GRB10: variants seen among roughly 807,000 people sequenced by gnomAD.
GRB10 encodes the protein growth factor receptor-bound protein 10.
Under a neutral mutation model 80.9 loss-of-function variants are expected in GRB10, and 20 were observed. That is an observed-to-expected ratio of 0.25 (90% CI 0.17 to 0.36). The LOEUF (loss-of-function observed/expected upper bound fraction) is 0.36. Among genes scored for constraint, GRB10 ranks in the 10% least tolerant of loss-of-function variants. GRB10 has a pLI of 1.00. For missense variants in GRB10, 548 were observed against 747.7 expected (o/e 0.73, Z 3.12); for synonymous variants, 291 against 291.5 (o/e 1.00, Z 0.02).
At chr7:50,700,431 T>C (rs1357774878) in intron 5 of GRB10, among the ~76,000 whole-genome samples, 1 of 152,232 alleles carries the variant, frequency 6.6e-6, no homozygotes, top group Non-Finnish European at 1.5e-5. Context: ...CCTGAGTGTC[T>C]GTGCTACAGG....
rs1001603815 is a variant in GRB10 at position 50,705,135 on chromosome 7, C to G, written c.52-1227G>C. ...TGCTCACTTCTCTGCTGCGTGCACA[C>G]TGACCTGGGAGCAAACAGGTTTAGG... On this transcript the variant is annotated intron_variant, in intron 4 of 18. Coordinates refer to ENST00000401949, the MANE Select transcript of GRB10 (RefSeq NM_001350814.2). 5 of 985,332 alleles carry G rather than the reference C, an allele frequency of 5.1e-6. No individual in the cohort carries two copies. In the African/African-American group the frequency reaches 8.7e-5, roughly 17 times the overall value. The allele number at this position is 985,332 out of a possible 1,614,324, so 61.0% of individuals were successfully genotyped here.
At chr7:50,763,368 C>T (rs1035268272) in intron 2 of GRB10, among the ~76,000 whole-genome samples, 1 of 152,108 alleles carries the variant, frequency 6.6e-6, no homozygotes, top group African/African-American at 2.4e-5. Flanking sequence ...CTGGGACTAC[C>T]CAGAGTTGAG....
At position 50,755,954 on chromosome 7, in the gene GRB10, G is replaced by A; in HGVS notation, c.-114C>T. On this transcript the variant is annotated 5_prime_UTR_variant, in exon 3 of 19. Coordinates refer to ENST00000401949, the MANE Select transcript of GRB10 (RefSeq NM_001350814.2). ...ACCCTGGCTTCACTGAGAGGACCCA[G>A]GTGAGGACCTGGCTGCCGGTCACTG... 2.5e-6 allele frequency: 1 copy of A among 399,092 alleles called. No homozygotes were observed. Among genetic ancestry groups the A allele is most frequent in the Non-Finnish European group, 4.4e-6 (1 of 226,458 alleles). 24.7% of individuals were successfully genotyped at this position (399,092 alleles called of 1,614,324 possible).
chr7:50,623,448 T>C (rs997528982), intron 8 of GRB10, among the ~76,000 whole-genome samples: 45 of 152,212 alleles, frequency 3.0e-4, no homozygotes, highest in African/African-American at 1.1e-3. Context: ...AGTCTGCTCA[T>C]AGGAGTCGTT....
At chr7:50,754,724 T>A (rs907050514) in intron 3 of GRB10, among the ~76,000 whole-genome samples, 3 of 152,106 alleles carry the variant, frequency 2.0e-5, no homozygotes, top group African/African-American at 7.2e-5. Flanking sequence ...TGAGGGAAGG[T>A]GACCGGCAGT....
intron 7 of GRB10, among the ~76,000 whole-genome samples, chr7:50,657,158 A>C (rs141571286): frequency 6.6e-6 from 1 of 152,354 alleles, no homozygotes; most frequent in African/African-American, 2.4e-5. Context: ...CATATCTAAA[A>C]TTATATCCAC....
intron 4 of GRB10, among the ~76,000 whole-genome samples, chr7:50,716,017 C>T (rs927538559): frequency 6.6e-6 from 1 of 152,184 alleles, no homozygotes; most frequent in African/African-American, 2.4e-5. Context: ...GTTCAACACT[C>T]AGGAAGGTCA....
At chr7:50,655,738 C>G (rs1486891779) in intron 7 of GRB10, among the ~76,000 whole-genome samples, 1 of 152,194 alleles carries the variant, frequency 6.6e-6, no homozygotes, top group Non-Finnish European at 1.5e-5. Context: ...AGACCAATCT[C>G]TTCCTGGGAC....
chr7:50,702,986 C>A (rs1175755519), intron 5 of GRB10, among the ~76,000 whole-genome samples: 1 of 152,208 alleles, frequency 6.6e-6, no homozygotes, highest in Non-Finnish European at 1.5e-5. Flanking sequence ...GAAGTCAATA[C>A]TAACAAATTG....
At chr7:50,595,636 C>CACACACACACAG (rs971834235) in intron 17 of GRB10, 106 bp from the exon 18 acceptor site, 1 of 747,302 alleles carries the variant, frequency 1.3e-6, no homozygotes, top group East Asian at 2.6e-5. Context: ...CACACACACA[C>CACACACACACAG]AGGCTTGGAG....
chr7:50,626,680 G>A (rs1330907177), intron 8 of GRB10, 142 bp downstream of exon 8: 5 of 888,532 alleles, frequency 5.6e-6, no homozygotes, highest in Non-Finnish European at 9.3e-6. Flanking sequence ...GGAGAAACAG[G>A]AGAGTCGAGG....
chr7:50,713,197 G>A (rs1010928901), intron 4 of GRB10, among the ~76,000 whole-genome samples: 2 of 152,222 alleles, frequency 1.3e-5, no homozygotes, highest in South Asian at 4.1e-4. Context: ...AAGATTTAGT[G>A]TGATCACACA....
At position 50,618,104 on chromosome 7, in the gene GRB10, C is replaced by T; in HGVS notation, c.813G>A (p.Gln271=). 1 of 1,613,968 alleles carries T rather than the reference C, an allele frequency of 6.2e-7. No individual in the cohort carries two copies. Among genetic ancestry groups the T allele is most frequent in the Non-Finnish European group, 8.5e-7 (1 of 1,179,890 alleles). ...GCTGGGTTTGACTGCCATTTGACTG[C>T]TGGCACCAAGTAACCATCTGTTCTG... ...FFPEQMVTWC[Q]QSNGSQTQLL... The change falls in exon 10 of 19, where the codon CAG becomes CAA. Residue 271 remains glutamine, a synonymous_variant. Coordinates refer to ENST00000401949, the MANE Select transcript of GRB10 (RefSeq NM_001350814.2).
chr7:50,765,675 A>AT (rs1278631243), intron 2 of GRB10, among the ~76,000 whole-genome samples: 1 of 152,182 alleles, frequency 6.6e-6, no homozygotes, highest in Non-Finnish European at 1.5e-5. Context: ...AAGTTGATTA[A>AT]TGAGTACAAA....
chr7:50,722,892 G>C (rs530997615), intron 4 of GRB10, among the ~76,000 whole-genome samples: 46 of 152,134 alleles, frequency 3.0e-4, no homozygotes, highest in African/African-American at 1.1e-3. Flanking sequence ...GGATTAAGTT[G>C]TTTCTCTAGA....
rs1442262881 is a variant in GRB10 at position 50,590,624 on chromosome 7, TTACA to T, written c.*2324_*2327del. On this transcript the variant is annotated 3_prime_UTR_variant, in exon 19 of 19. Coordinates refer to ENST00000401949, the MANE Select transcript of GRB10 (RefSeq NM_001350814.2). The stretch of plus-strand genomic sequence containing the variant: ...CCAAAACAACCCTGAGCTGTCCCCT[TTACA>T]TTCATGTCAATTAAATACAAAAATA... 1 of 152,678 alleles carries T rather than the reference TTACA, an allele frequency of 6.5e-6. No homozygotes were observed. The highest frequency in any genetic ancestry group is 2.4e-5 in the African/African-American group (1 of 41,460). 9.5% of individuals were successfully genotyped at this position (152,678 alleles called of 1,614,324 possible).
At chr7:50,629,648 T>C (rs2053633684) in intron 7 of GRB10, among the ~76,000 whole-genome samples, 1 of 152,154 alleles carries the variant, frequency 6.6e-6, no homozygotes, top group South Asian at 2.1e-4. Flanking sequence ...AGTCAACGCG[T>C]AGAGCTACTG....
intron 3 of GRB10, among the ~76,000 whole-genome samples, chr7:50,749,555 A>G (rs2073756829): frequency 6.6e-6 from 1 of 152,226 alleles, no homozygotes; most frequent in East Asian, 1.9e-4. Flanking sequence ...CAGAGCTTCT[A>G]TAAATAATCT....
chr7:50,591,893 G>T lies in GRB10; in HGVS notation c.*1059C>A, dbSNP rs1222626514. ...TATGGAAACCCATGAGACACAGCACGAAGACAACCAGGTGCCATTTTCTCT... is the reference window on the plus strand; with the variant it reads ...TATGGAAACCCATGAGACACAGCACTAAGACAACCAGGTGCCATTTTCTCT... On this transcript the variant is annotated 3_prime_UTR_variant, in exon 19 of 19. Transcript: ENST00000401949. The T allele has an allele frequency of 2.6e-5, 4 of 152,204 alleles. No homozygotes were observed. The highest frequency in any genetic ancestry group is 2.6e-4 in the Admixed American group (4 of 15,284). The allele number at this position is 152,204 out of a possible 1,614,324, so 9.4% of individuals were successfully genotyped here. A position where few individuals can be genotyped will look rare whatever the true frequency, so the allele number is the denominator to read the frequency against.
Sources: gnomAD v4.1 joint callset for allele counts (sites outside exome capture counted in the v4.1 genomes callset) on GRCh38, gnomAD v4.1.1 for gene constraint, MANE v1.5 for transcripts, NCBI Gene and HGNC (gene_info 2026-07-23, HGNC 2026-07-21) for gene names.